Variants in ZNF207 observed in about 807,000 individuals in gnomAD.
The protein encoded by ZNF207 is BUB3-interacting and GLEBS motif-containing protein ZNF207.
A neutral mutation model predicts 60.2 loss-of-function variants in ZNF207; 24 were observed. That is an observed-to-expected ratio of 0.40 (90% CI 0.29 to 0.56). The LOEUF is 0.56. Ranked by LOEUF, ZNF207 falls within the 20% of genes least tolerant of loss-of-function variation. ZNF207 has a pLI of 0.49. For missense variants in ZNF207, 452 were observed against 636.6 expected (o/e 0.71, Z 3.12); for synonymous variants, 236 against 194.7 (o/e 1.21, Z -1.77).
intron 8 of ZNF207, among the ~76,000 whole-genome samples, chr17:32,366,453 G>A (rs561254820): frequency 1.3e-5 from 2 of 152,198 alleles, no homozygotes; most frequent in East Asian, 3.9e-4. Context: ...AGTTAACTAG[G>A]TTTTATTGAT....
chr17:32,358,731 T>G, intron 3 of ZNF207, 90 bp downstream of exon 3: 9 of 982,054 alleles, frequency 9.2e-6, no homozygotes, highest in East Asian at 3.4e-5. Context: ...CAGCCGAGGC[T>G]GGAGTACAGT....
In ZNF207 at chr17:32,357,511, G is replaced by A. The variant is rs1222518828; in HGVS notation, c.169-992G>A. Among the ~76,000 whole-genome samples the A allele has an allele frequency of 4.6e-5, 7 of 150,920 alleles. No individual in the cohort carries two copies. The South Asian group carries it at 1.5e-3, about 31-fold the overall frequency. ...TTACAGGCACGTGCCACCATGCCCGGCTAATTTTTGTATTTTTAGTAGAGA... is the reference window on the plus strand; with the variant it reads ...TTACAGGCACGTGCCACCATGCCCGACTAATTTTTGTATTTTTAGTAGAGA... On this transcript the variant is annotated intron_variant, in intron 2 of 11. Coordinates refer to ENST00000394670, the MANE Select transcript of ZNF207 (RefSeq NM_001098507.2).
rs1212874264 is a variant in ZNF207 at position 32,377,226 on chromosome 17, C to T, written c.*7467C>T. ...CATGATTTGCATTTGTTAGTGAGGT[C>T]TCACCATAGTATTTTAATGTAGCTT... On this transcript the variant is annotated 3_prime_UTR_variant, in exon 12 of 12. Transcript: ENST00000394670. 1 of 151,860 alleles carries T rather than the reference C, an allele frequency of 6.6e-6. No individual in the cohort carries two copies. The allele number at this position is 151,860 out of a possible 1,614,324, so 9.4% of individuals were successfully genotyped here. A position where few individuals can be genotyped will look rare whatever the true frequency, so the allele number is the denominator to read the frequency against.
rs535812634 is a variant in ZNF207, at chr17:32,376,528, G to A, written c.*6769G>A. ...TTTAAATCTGTTCAGTTAGTCTCATGTATTCTCAGGGGAAAATGTCTTTAT... is the reference window on the plus strand; with the variant it reads ...TTTAAATCTGTTCAGTTAGTCTCATATATTCTCAGGGGAAAATGTCTTTAT... On this transcript the variant is annotated 3_prime_UTR_variant, in exon 12 of 12. Coordinates refer to ENST00000394670, the MANE Select transcript of ZNF207 (RefSeq NM_001098507.2). 2.6e-5 allele frequency: 4 copies of A among 152,148 alleles called. No homozygotes were observed. In the East Asian group the frequency reaches 7.7e-4, roughly 29 times the overall value. The allele number at this position is 152,148 out of a possible 1,614,324, so 9.4% of individuals were successfully genotyped here. A position where few individuals can be genotyped will look rare whatever the true frequency, so the allele number is the denominator to read the frequency against.
chr17:32,352,791 G>A lies in ZNF207; in HGVS notation c.168+879G>A, dbSNP rs111624063. ...GCTCACTGCAGCCTCATATTCCTGG[G>A]TTCTAGCCGTCTTCCTGCCTCGTTC... is the stretch of plus-strand genomic sequence containing the variant. On this transcript the variant is annotated intron_variant, in intron 2 of 11. Transcript: ENST00000394670. 1.2e-3 allele frequency among the ~76,000 whole-genome samples: 179 copies of A among 152,320 alleles called. 3 individuals carry two copies. Among genetic ancestry groups the A allele is most frequent in the African/African-American group, 3.9e-3 (161 of 41,578 alleles).
chr17:32,357,648 T>C (rs1343714869), intron 2 of ZNF207, among the ~76,000 whole-genome samples: 1 of 151,364 alleles, frequency 6.6e-6, no homozygotes, highest in African/African-American at 2.4e-5. Context: ...CACCTGACTT[T>C]TTATTTTTTA....
intron 6 of ZNF207, chr17:32,362,680 T>G (rs189152416): frequency 1.4e-4 from 58 of 412,228 alleles, no homozygotes; most frequent in African/African-American, 1.0e-3. Flanking sequence ...CTTTAAATGT[T>G]TTGTCAACAT....
rs761677342 is a variant in ZNF207 at position 32,367,915 on chromosome 17, T to A, written c.1065T>A (p.Thr355=). Residue 355 remains threonine, a synonymous_variant, in exon 10 of 12, where the codon ACT becomes ACA. Transcript: ENST00000394670. Reference sequence around the variant, plus strand: ...CAACAACTAGTACAACAAATAGTACTGCAGCTAAACCAGCGGCTTCAATAA... The same window carrying A: ...CAACAACTAGTACAACAAATAGTACAGCAGCTAAACCAGCGGCTTCAATAA... ...TASTTSTTNS[T]AAKPAASITS... The A allele has an allele frequency of 6.2e-7, 1 of 1,614,196 alleles. No individual in the cohort carries two copies. The highest frequency in any genetic ancestry group is 8.5e-7 in the Non-Finnish European group (1 of 1,180,038).
intron 5 of ZNF207, 158 bp from the exon 6 acceptor site, chr17:32,361,310 G>T: frequency 1.7e-6 from 1 of 595,518 alleles, no homozygotes. Context: ...CTCTGTAAAT[G>T]ATTTATTTGT....
At chr17:32,352,757 A>G (rs1232772900) in intron 2 of ZNF207, among the ~76,000 whole-genome samples, 1 of 152,178 alleles carries the variant, frequency 6.6e-6, no homozygotes, top group Non-Finnish European at 1.5e-5. Flanking sequence ...TTGCAGTGAC[A>G]TGGTTATGGC....
At chr17:32,357,985 T>C (rs1904649909) in intron 2 of ZNF207, among the ~76,000 whole-genome samples, 2 of 152,118 alleles carry the variant, frequency 1.3e-5, no homozygotes, top group Admixed American at 1.3e-4. Flanking sequence ...TTTGCCACGT[T>C]GGCCAGGCTG....
In ZNF207 at chr17:32,381,382, GCTCA is replaced by G. The variant is rs892866907; in HGVS notation, c.*11626_*11629del. The G allele has an allele frequency of 1.3e-5, 2 of 152,208 alleles. No individual in the cohort carries two copies. Among genetic ancestry groups the G allele is most frequent in the Non-Finnish European group, 2.9e-5 (2 of 68,036 alleles). The allele number at this position is 152,208 out of a possible 1,614,324, so 9.4% of individuals were successfully genotyped here. A position where few individuals can be genotyped will look rare whatever the true frequency, so the allele number is the denominator to read the frequency against. ...CATAATTTTTAATGTAAGTAAATGA[GCTCA>G]CTAAGGGTAATTAAATACTAGCTTT... On this transcript the variant is annotated 3_prime_UTR_variant, in exon 12 of 12. Coordinates refer to ENST00000394670, the MANE Select transcript of ZNF207 (RefSeq NM_001098507.2).
rs1432820546 is a variant in ZNF207, at chr17:32,369,786, T to G, written c.*27T>G. The stretch of plus-strand genomic sequence containing the variant: ...CTTACTTCATCCAGTCTAATAGGTT[T>G]GGAGATTAAACCTTTTCTCAACTTG... On this transcript the variant is annotated 3_prime_UTR_variant, in exon 12 of 12. Coordinates refer to ENST00000394670, the MANE Select transcript of ZNF207 (RefSeq NM_001098507.2). The G allele has an allele frequency of 6.9e-7, 1 of 1,453,272 alleles. No individual in the cohort carries two copies. 90.0% of individuals were successfully genotyped at this position (1,453,272 alleles called of 1,614,324 possible).
rs928893328 is a variant in ZNF207, at chr17:32,371,067, T to G, written c.*1308T>G. ...AGCTTTTCTGTAGAGATGACTGCTA[T>G]TCAATATTTTGTGTTGCAACCTCTT... On this transcript the variant is annotated 3_prime_UTR_variant, in exon 12 of 12. Coordinates refer to ENST00000394670, the MANE Select transcript of ZNF207 (RefSeq NM_001098507.2). 25 of 152,358 alleles carry G rather than the reference T, an allele frequency of 1.6e-4. No homozygotes were observed. The highest frequency in any genetic ancestry group is 5.3e-4 in the African/African-American group (22 of 41,576). 9.4% of individuals were successfully genotyped at this position (152,358 alleles called of 1,614,324 possible).
At chr17:32,360,186 CAAAA>C (rs1555606146) in intron 3 of ZNF207, among the ~76,000 whole-genome samples, 694 of 52,208 alleles carry the variant, frequency 0.013, 15 homozygotes, top group African/African-American at 0.049. Context: ...ACCCCCCCCC[CAAAA>C]AAAAAAAAAA....
chr17:32,367,723 GTTAAT>G, intron 9 of ZNF207, 44 bp from the exon 10 acceptor site: 1 of 1,602,874 alleles, frequency 6.2e-7, no homozygotes, highest in Non-Finnish European at 8.5e-7. Flanking sequence ...TGTAGATATA[GTTAAT>G]TTAAGGTTTT....
At chr17:32,369,187 A>T in intron 10 of ZNF207, 108 bp from the exon 11 acceptor site, 1 of 1,309,542 alleles carries the variant, frequency 7.6e-7, no homozygotes, top group Middle Eastern at 2.8e-4. Context: ...ATGTAAGGGT[A>T]AATTTTTGAA....
chr17:32,369,616 C>T lies in ZNF207; in HGVS notation c.1342C>T (p.His448Tyr), dbSNP rs768209141. ...GATTTTAGGTCAGTATGGTGGTCAT[C>T]ATCAAGGCATGCCAGGATACCTTCC... ...MPPHGQYGGH[H>Y]QGMPGYLPGA... The change falls in exon 12 of 12, where the codon CAT (histidine) becomes TAT (tyrosine). Residue 448 changes from histidine (H) to tyrosine (Y), a missense_variant. Physicochemically the swap from His to Tyr is moderately conservative, Grantham distance 83. Around this residue, in one of 2 missense-constraint regions of ZNF207, gnomAD observed 390 missense variants for 461.4 expected, o/e 0.85. Coordinates refer to ENST00000394670, the MANE Select transcript of ZNF207 (RefSeq NM_001098507.2). The T allele has an allele frequency of 1.2e-5, 19 of 1,566,810 alleles. No individual in the cohort carries two copies. Among genetic ancestry groups the T allele is most frequent in the Non-Finnish European group, 1.6e-5 (18 of 1,155,222 alleles).
In ZNF207 at chr17:32,369,382, A is replaced by C; in HGVS notation, c.1252A>C (p.Ile418Leu). The change falls in exon 11 of 12, where the codon ATT (isoleucine) becomes CTT (leucine). Residue 418 changes from isoleucine (I) to leucine (L), a missense_variant. This residue lies in a region of ZNF207 where 390 missense variants were observed against 461.4 expected (regional missense o/e 0.85). Transcript: ENST00000394670. Reference sequence around the variant, plus strand: ...CATCGGTAATCCACCAGTTGGACCAATTGGAGGTATGATGCCACCACAGCC... The same window carrying C: ...CATCGGTAATCCACCAGTTGGACCACTTGGAGGTATGATGCCACCACAGCC... ...APIGNPPVGP[I>L]GGMMPPQPGI... 6.2e-7 allele frequency: 1 copy of C among 1,614,156 alleles called. No individual in the cohort carries two copies. Among genetic ancestry groups the C allele is most frequent in the Non-Finnish European group, 8.5e-7 (1 of 1,180,030 alleles).
Sources: gnomAD v4.1 joint callset for allele counts (sites outside exome capture counted in the v4.1 genomes callset) on GRCh38, gnomAD v4.1.1 for gene constraint, gnomAD v4.1.1 regional missense constraint, MANE v1.5 for transcripts, NCBI Gene and HGNC (gene_info 2026-07-23, HGNC 2026-07-21) for gene names.